The following ZNG1B variants were observed in gnomAD, a reference collection of about 807,000 sequenced individuals.
The protein encoded by ZNG1B is Zn regulated GTPase metalloprotein activator 1B.
At chr2:113,476,537 CTGCGTTCCTTCGGAGGAGGAGA>C in the ZNG1B span, among the ~76,000 whole-genome samples, 2 of 148,760 alleles carry the variant, frequency 1.3e-5, no homozygotes, top group African/African-American at 5.1e-5. Flanking sequence ...TGGTGAGGAG[CTGCGTTCCTTCGGAGGAGGAGA>C]GGCGCTGCGT....
the ZNG1B span, among the ~76,000 whole-genome samples, chr2:113,462,253 C>T: frequency 6.6e-6 from 1 of 152,182 alleles, no homozygotes; most frequent in South Asian, 2.1e-4. Context: ...CTGAGTCACT[C>T]CTATAGAGCA....
At chr2:113,490,484 G>A in the ZNG1B span, among the ~76,000 whole-genome samples, 1,427 of 151,732 alleles carry the variant, frequency 9.4e-3, 30 homozygotes, top group African/African-American at 0.033. Flanking sequence ...AGACCAGAGC[G>A]GAATTAAATG....
the ZNG1B span, among the ~76,000 whole-genome samples, chr2:113,477,934 G>T: frequency 6.6e-6 from 1 of 152,128 alleles, no homozygotes. Context: ...TTCTGTGACT[G>T]GTTTATTTCA....
the ZNG1B span, among the ~76,000 whole-genome samples, chr2:113,474,683 G>T: frequency 2.8e-3 from 422 of 148,158 alleles, 4 homozygotes; most frequent in African/African-American, 0.01. Context: ...ATTCTGGTAT[G>T]TTGTGTCTTT....
chr2:113,483,169 A>C, the ZNG1B span, among the ~76,000 whole-genome samples: 1 of 152,296 alleles, frequency 6.6e-6, no homozygotes, highest in East Asian at 1.9e-4. Flanking sequence ...CTGAACATGA[A>C]GCACATTTGA....
chr2:113,453,385 T>C, the ZNG1B span, among the ~76,000 whole-genome samples: 1 of 151,988 alleles, frequency 6.6e-6, no homozygotes, highest in African/African-American at 2.4e-5. Flanking sequence ...CCCGAGTAGC[T>C]GGGACTACAG....
At chr2:113,479,906 C>G in the ZNG1B span, among the ~76,000 whole-genome samples, 2 of 151,460 alleles carry the variant, frequency 1.3e-5, no homozygotes, top group Non-Finnish European at 2.9e-5. Context: ...CCTATAGCCT[C>G]TGTGTCCTGG....
chr2:113,483,116 CAAAA>C, the ZNG1B span, among the ~76,000 whole-genome samples: 1 of 152,274 alleles, frequency 6.6e-6, no homozygotes, highest in African/African-American at 2.4e-5. Context: ...GGTAAAAAAA[CAAAA>C]AACCCAGTTC....
At chr2:113,440,246 C>G in the ZNG1B span, among the ~76,000 whole-genome samples, 1 of 152,024 alleles carries the variant, frequency 6.6e-6, no homozygotes, top group African/African-American at 2.4e-5. Context: ...CACCAAGGCT[C>G]AGCATAAATC....
the ZNG1B span, chr2:113,441,532 A>T: frequency 3.1e-6 from 5 of 1,594,580 alleles, no homozygotes; most frequent in Non-Finnish European, 4.3e-6. Context: ...ATGAAAATGC[A>T]AGGTATTGTA....
chr2:113,474,551 T>G, the ZNG1B span, among the ~76,000 whole-genome samples: 1 of 148,276 alleles, frequency 6.7e-6, no homozygotes, highest in Non-Finnish European at 1.5e-5. Context: ...TGTTTGCTCT[T>G]GCTTTTCTAG....
the ZNG1B span, among the ~76,000 whole-genome samples, chr2:113,487,421 T>G: frequency 6.6e-6 from 1 of 152,192 alleles, no homozygotes; most frequent in Admixed American, 6.5e-5. Flanking sequence ...TCCACAAATT[T>G]TTAAGGGTAC....
chr2:113,460,795 A>G, the ZNG1B span: 1 of 1,562,640 alleles, frequency 6.4e-7, no homozygotes, highest in Non-Finnish European at 8.6e-7. Flanking sequence ...AACCAAAAAC[A>G]AACTAAGAAA....
At chr2:113,442,843 T>G in the ZNG1B span, among the ~76,000 whole-genome samples, 5 of 152,208 alleles carry the variant, frequency 3.3e-5, no homozygotes, top group African/African-American at 9.6e-5. Flanking sequence ...CCGTTTGGTA[T>G]ATTTCTTTAT....
the ZNG1B span, among the ~76,000 whole-genome samples, chr2:113,475,794 C>A: frequency 6.6e-6 from 1 of 152,136 alleles, no homozygotes; most frequent in Non-Finnish European, 1.5e-5. Flanking sequence ...AAATTCTTTT[C>A]TTTAAGAATG....
At chr2:113,454,381 C>T in the ZNG1B span, among the ~76,000 whole-genome samples, 6 of 151,744 alleles carry the variant, frequency 4.0e-5, no homozygotes, top group East Asian at 3.9e-4. Context: ...TAGAAATAAC[C>T]TGTCTTATGT....
chr2:113,483,790 G>A, the ZNG1B span, among the ~76,000 whole-genome samples: 3 of 152,156 alleles, frequency 2.0e-5, no homozygotes, highest in East Asian at 5.8e-4. Context: ...GAGTAGAATG[G>A]CATAATGAGC....
At chr2:113,462,358 G>A in the ZNG1B span, 11 of 1,528,372 alleles carry the variant, frequency 7.2e-6, no homozygotes, top group Non-Finnish European at 8.9e-6. Context: ...TAATCTGCAT[G>A]CGTGTATATT....
At chr2:113,460,597 A>C in the ZNG1B span, 1 of 1,437,412 alleles carries the variant, frequency 7.0e-7, no homozygotes, top group South Asian at 1.2e-5. Context: ...AAATGTCTCT[A>C]AAGTAAAATC....
Sources: allele counts gnomAD v4.1 joint callset (sites outside exome capture counted in the v4.1 genomes callset), GRCh38; gene constraint gnomAD v4.1.1; transcripts MANE v1.5; gene names NCBI Gene and HGNC (gene_info 2026-07-23, HGNC 2026-07-21).